The following HELLS variants were observed in gnomAD, a reference collection of about 807,000 sequenced individuals.
HELLS encodes lymphoid-specific helicase.
In HELLS, 32 loss-of-function variants were observed where a neutral mutation model predicts 120.0. That is an observed-to-expected ratio of 0.27 (90% CI 0.20 to 0.36). The LOEUF (loss-of-function observed/expected upper bound fraction) is 0.36, where lower values mean the gene tolerates loss of function less well. Ranked by LOEUF, HELLS falls within the 10% of genes least tolerant of loss-of-function variation. The pLI is 1.00. For missense variants in HELLS, 650 were observed against 993.4 expected (o/e 0.65, Z 4.65); for synonymous variants, 341 against 323.4 (o/e 1.05, Z -0.58).
At chr10:94,566,424 C>G (rs185612299) in intron 6 of HELLS, among the ~76,000 whole-genome samples, 2 of 151,958 alleles carry the variant, frequency 1.3e-5, no homozygotes, top group Non-Finnish European at 2.9e-5. Context: ...CTGGCAGTTT[C>G]AAAAAACTTG....
chr10:94,560,432 C>T (rs867596240), intron 4 of HELLS, among the ~76,000 whole-genome samples: 4 of 152,262 alleles, frequency 2.6e-5, no homozygotes, highest in Middle Eastern at 3.4e-3. Context: ...TGGTGGCTCA[C>T]GCCTATAATC....
intron 6 of HELLS, among the ~76,000 whole-genome samples, chr10:94,567,349 A>G (rs543204899): frequency 6.6e-6 from 1 of 152,168 alleles, no homozygotes; most frequent in African/African-American, 2.4e-5. Flanking sequence ...CCCAGGCTGG[A>G]GTGCAATGGC....
intron 21 of HELLS, among the ~76,000 whole-genome samples, 176 bp downstream of exon 21, chr10:94,597,287 C>T (rs949578509): frequency 2.0e-5 from 3 of 152,080 alleles, no homozygotes; most frequent in Admixed American, 2.0e-4. Context: ...CCATAAATGT[C>T]ATTATCTTTA....
chr10:94,607,972 A>C (rs1238055979), exon 9 of HELLS: 1 of 406,838 alleles, frequency 2.5e-6, no homozygotes, highest in Non-Finnish European at 5.0e-6. Context: ...TGATCTGCCC[A>C]CCTCGGCCTC....
At position 94,588,263 on chromosome 10, in the gene HELLS, C is replaced by A; in HGVS notation, c.1361C>A (p.Ser454Tyr). The change falls in exon 13 of 22, where the codon TCT (serine) becomes TAT (tyrosine). Residue 454 changes from serine (S) to tyrosine (Y), a missense_variant. Ser to Tyr is a moderately radical substitution (Grantham distance 144). This residue lies in a region of HELLS where 48 missense variants were observed against 127.0 expected (regional missense o/e 0.38). Coordinates refer to ENST00000348459, the MANE Select transcript of HELLS (RefSeq NM_018063.5). ...LTPFLLRRLK[S>Y]DVALEVPPKR... ...CCTTTCTTATTGAGAAGACTGAAGT[C>A]TGATGTTGCTCTTGAAGTTCCTCCT... 1 of 1,607,748 alleles carries A rather than the reference C, an allele frequency of 6.2e-7. No individual in the cohort carries two copies. The highest frequency in any genetic ancestry group is 1.1e-5 in the South Asian group (1 of 89,986).
chr10:94,584,680 A>T (rs1206596314), intron 12 of HELLS, among the ~76,000 whole-genome samples: 4 of 152,136 alleles, frequency 2.6e-5, no homozygotes, highest in Non-Finnish European at 4.4e-5. Flanking sequence ...ATTCCTTAGA[A>T]ATGATCATCT....
At chr10:94,583,355 A>G (rs1042687541) in intron 12 of HELLS, among the ~76,000 whole-genome samples, 5 of 152,196 alleles carry the variant, frequency 3.3e-5, no homozygotes, top group Non-Finnish European at 5.9e-5. Flanking sequence ...ATGCTTGCCA[A>G]TAATACTTTT....
Position 94,590,491 on chromosome 10 carries a change from G to C in HELLS, c.1567G>C (p.Asp523His). 6.2e-7 allele frequency: 1 copy of C among 1,612,494 alleles called. No individual in the cohort carries two copies. The change falls in exon 14 of 22, where the codon GAT (aspartate) becomes CAT (histidine). Residue 523 changes from aspartate to histidine, a missense_variant. Physicochemically the swap from Asp to His is moderately conservative, Grantham distance 81. Coordinates refer to ENST00000348459, the MANE Select transcript of HELLS (RefSeq NM_018063.5). ...ATCAATAAATTACAGCAAAATAGAT[G>C]ATTTCCCTAATGAATTGGAAAAACT... Reference protein sequence around the residue: ...RKSINYSKIDDFPNELEKLIS... With the variant: ...RKSINYSKIDHFPNELEKLIS...
At chr10:94,606,060 C>CTTTTTTT (rs1166949716), downstream of HELLS, among the ~76,000 whole-genome samples, 4 of 131,324 alleles carry the variant, frequency 3.0e-5, no homozygotes, top group African/African-American at 5.6e-5. Context: ...TGGTATGGGT[C>CTTTTTTT]TTTTTTTTTT....
intron 10 of HELLS, among the ~76,000 whole-genome samples, chr10:94,579,019 G>C (rs919970632): frequency 2.0e-5 from 3 of 152,062 alleles, no homozygotes; most frequent in Non-Finnish European, 4.4e-5. Context: ...CTTACCTCCT[G>C]CTGTGTGGCC....
chr10:94,582,891 A>G (rs1844945519), intron 11 of HELLS, 72 bp from the exon 12 acceptor site: 1 of 807,086 alleles, frequency 1.2e-6, no homozygotes, highest in Non-Finnish European at 2.0e-6. Flanking sequence ...ATTACTGTAA[A>G]TGATAAATCA....
chr10:94,586,246 G>A (rs1845140294), intron 12 of HELLS, among the ~76,000 whole-genome samples: 2 of 151,886 alleles, frequency 1.3e-5, no homozygotes, highest in South Asian at 2.1e-4. Flanking sequence ...TCAGCCTCCC[G>A]AGTAGCTGGG....
rs1488073969 is a variant in HELLS at position 94,560,609 on chromosome 10, T to G, written c.334-2082T>G. On this transcript the variant is annotated intron_variant, in intron 4 of 21. Transcript: ENST00000348459. ...TGCTTGGGAGGTTGAGGCACGAGTATTACTTGAACCACGGTAGGCAGAGGT... is the reference window on the plus strand; with the variant it reads ...TGCTTGGGAGGTTGAGGCACGAGTAGTACTTGAACCACGGTAGGCAGAGGT... Among the ~76,000 whole-genome samples, 4 of 152,112 alleles carry G rather than the reference T, an allele frequency of 2.6e-5. No individual in the cohort carries two copies. In the East Asian group the frequency reaches 7.8e-4, roughly 30 times the overall value.
At chr10:94,590,341 T>G in intron 13 of HELLS, 72 bp from the exon 14 acceptor site, 3 of 1,293,160 alleles carry the variant, frequency 2.3e-6, no homozygotes, top group South Asian at 1.4e-5. Context: ...AAATATGCCT[T>G]ATTTTGTTTA....
At chr10:94,568,222 T>C (rs1843938387) in intron 6 of HELLS, among the ~76,000 whole-genome samples, 2 of 151,910 alleles carry the variant, frequency 1.3e-5, no homozygotes, top group African/African-American at 4.8e-5. Context: ...TTTTTTTTTT[T>C]TTAAAGAGTA....
At chr10:94,556,104 TAA>T (rs1225332486) in intron 3 of HELLS, among the ~76,000 whole-genome samples, 2 of 152,176 alleles carry the variant, frequency 1.3e-5, no homozygotes, top group Non-Finnish European at 2.9e-5. Context: ...AACTGGTAGT[TAA>T]AAGTCTTGGG....
chr10:94,581,499 A>G lies in HELLS; in HGVS notation c.1206A>G (p.Pro402=). 1 of 1,609,036 alleles carries G rather than the reference A, an allele frequency of 6.2e-7. No homozygotes were observed. Among genetic ancestry groups the G allele is most frequent in the Non-Finnish European group, 8.5e-7 (1 of 1,178,482 alleles). Residue 402 remains proline (P), a synonymous_variant, in exon 11 of 22, where the codon CCA becomes CCG. Transcript: ENST00000348459. ...ELWSLLNFLL[P]DVFDDLKSFE... is the part of the protein sequence containing the mutation. The stretch of plus-strand genomic sequence containing the variant: ...GGTCATTGCTAAACTTTTTGTTGCC[A>G]GATGTATTTGATGACTTGAAAAGGT...
chr10:94,574,647 C>G lies in HELLS; in HGVS notation c.799C>G (p.Gln267Glu). ...CATTGCTACTATTGCATTGATGATT[C>G]AGAGAGGAGTACCAGGACCTTTTCT... ...QCIATIALMIQRGVPGPFLVC... is the reference protein window; with the variant it reads ...QCIATIALMIERGVPGPFLVC... Residue 267 changes from glutamine to glutamate, a missense_variant, in exon 9 of 22, where the codon CAG (glutamine) becomes GAG (glutamate). Gln to Glu is a conservative substitution (Grantham distance 29). This residue lies in a region of HELLS where 26 missense variants were observed against 87.3 expected (regional missense o/e 0.30). Coordinates refer to ENST00000348459, the MANE Select transcript of HELLS (RefSeq NM_018063.5). 6.2e-7 allele frequency: 1 copy of G among 1,613,466 alleles called. No homozygotes were observed. Among genetic ancestry groups the G allele is most frequent in the African/African-American group, 1.3e-5 (1 of 75,028 alleles).
intron 7 of HELLS, 80 bp downstream of exon 7, chr10:94,571,509 G>A (rs544770660): frequency 8.6e-7 from 1 of 1,166,796 alleles, no homozygotes; most frequent in Non-Finnish European, 1.2e-6. Flanking sequence ...TTAATCAGCA[G>A]TATACGTTCT....
Sources: allele counts gnomAD v4.1 joint callset (sites outside exome capture counted in the v4.1 genomes callset), GRCh38; gene constraint gnomAD v4.1.1; regional missense constraint gnomAD v4.1.1; transcripts MANE v1.5; gene names NCBI Gene and HGNC (gene_info 2026-07-23, HGNC 2026-07-21).